CCDC91: variants seen among roughly 807,000 people sequenced by gnomAD.
CCDC91 encodes coiled-coil domain-containing protein 91.
A neutral mutation model predicts 63.2 loss-of-function variants in CCDC91; 48 were observed. The ratio of observed to expected loss-of-function variants is 0.76; its 90% CI spans 0.60 to 0.97. The LOEUF is 0.97. Among genes scored for constraint, CCDC91 ranks in the 50% least tolerant of loss-of-function variants. The probability of loss-of-function intolerance (pLI) is 0.00; values close to 1 mark genes in which losing one functional copy is unlikely to be tolerated. For synonymous variants in CCDC91, 167 were observed against 165.8 expected (o/e 1.01, Z -0.06); for missense variants, 500 against 494.6 (o/e 1.01, Z -0.10).
intron 3 of CCDC91, among the ~76,000 whole-genome samples, chr12:28,275,422 A>G (rs1948139145): frequency 6.6e-6 from 1 of 152,172 alleles, no homozygotes; most frequent in Admixed American, 6.6e-5. Context: ...CTAAACCAGG[A>G]AGAAGTTGAA....
chr12:28,478,939 C>G (rs1392765029), intron 11 of CCDC91, among the ~76,000 whole-genome samples: 2 of 152,064 alleles, frequency 1.3e-5, no homozygotes, highest in African/African-American at 2.4e-5. Flanking sequence ...TTTAGAATGA[C>G]ATTCATTAAA....
rs569222890 is a variant in CCDC91 at position 28,323,774 on chromosome 12, T to G, written c.576+16025T>G. On this transcript the variant is annotated intron_variant, in intron 6 of 12. Transcript: ENST00000536442. Reference sequence around the variant, plus strand: ...AATAGGTCTTTGCCAAATAGTCAGGTGGGGAAGGTAGCTTCTTATAGACGG... The same window carrying G: ...AATAGGTCTTTGCCAAATAGTCAGGGGGGGAAGGTAGCTTCTTATAGACGG... Among the ~76,000 whole-genome samples the G allele has an allele frequency of 1.4e-4, 21 of 151,966 alleles. No individual in the cohort carries two copies. In the East Asian group the frequency reaches 3.5e-3, roughly 25 times the overall value.
At chr12:28,428,448 T>C (rs1479961211) in intron 8 of CCDC91, among the ~76,000 whole-genome samples, 1 of 151,536 alleles carries the variant, frequency 6.6e-6, no homozygotes, top group Non-Finnish European at 1.5e-5. Flanking sequence ...TGCATGCTTG[T>C]AATCCAGCTA....
At chr12:28,322,852 G>A (rs1940647864) in intron 6 of CCDC91, among the ~76,000 whole-genome samples, 1 of 150,946 alleles carries the variant, frequency 6.6e-6, no homozygotes, top group South Asian at 2.1e-4. Flanking sequence ...TTGCCTACTG[G>A]GTATTGCCAG....
intron 3 of CCDC91, chr12:28,304,660 A>C (rs781198547): frequency 7.8e-7 from 1 of 1,279,174 alleles, no homozygotes; most frequent in Admixed American, 2.4e-5. Flanking sequence ...GCTGCCTTCC[A>C]GAGTTTATGG....
intron 6 of CCDC91, among the ~76,000 whole-genome samples, chr12:28,309,708 A>G (rs1939120280): frequency 6.6e-6 from 1 of 152,070 alleles, no homozygotes; most frequent in Non-Finnish European, 1.5e-5. Context: ...AATCTTTGGT[A>G]TATCTTCAAT....
intron 8 of CCDC91, among the ~76,000 whole-genome samples, chr12:28,436,638 C>G (rs967933854): frequency 6.6e-6 from 1 of 151,824 alleles, no homozygotes; most frequent in Non-Finnish European, 1.5e-5. Context: ...CTGAAGAACT[C>G]TTTTAACATG....
chr12:28,311,696 G>A (rs987271868), intron 6 of CCDC91, among the ~76,000 whole-genome samples: 1 of 151,956 alleles, frequency 6.6e-6, no homozygotes, highest in African/African-American at 2.4e-5. Context: ...TCAAAGTTAG[G>A]GCCATGCGTG....
intron 3 of CCDC91, among the ~76,000 whole-genome samples, chr12:28,290,658 A>C (rs565869269): frequency 5.9e-5 from 9 of 152,294 alleles, no homozygotes; most frequent in African/African-American, 2.2e-4. Context: ...TAAAGCTTTC[A>C]TCAATGCAAT....
At chr12:28,282,362 T>C (rs757474745) in intron 3 of CCDC91, among the ~76,000 whole-genome samples, 2 of 152,164 alleles carry the variant, frequency 1.3e-5, no homozygotes, top group Non-Finnish European at 2.9e-5. Flanking sequence ...ACATGTAGTA[T>C]TTGTTCTTTT....
chr12:28,215,694 C>T (rs1943518319), intron 1 of CCDC91, among the ~76,000 whole-genome samples: 1 of 151,962 alleles, frequency 6.6e-6, no homozygotes, highest in Admixed American at 6.6e-5. Flanking sequence ...CTAGTACAAG[C>T]AGAATTTATA....
chr12:28,276,495 G>A (rs1948235787), intron 3 of CCDC91, among the ~76,000 whole-genome samples: 1 of 151,906 alleles, frequency 6.6e-6, no homozygotes, highest in South Asian at 2.1e-4. Context: ...GGTGGAAAAT[G>A]TTTCACATTT....
At chr12:28,448,221 G>T (rs1949631330) in intron 8 of CCDC91, among the ~76,000 whole-genome samples, 1 of 152,078 alleles carries the variant, frequency 6.6e-6, no homozygotes, top group African/African-American at 2.4e-5. Context: ...CTGAAAATAA[G>T]AAGAATGTGG....
intron 1 of CCDC91, among the ~76,000 whole-genome samples, chr12:28,200,492 G>A (rs971771171): frequency 2.1e-5 from 3 of 145,082 alleles, no homozygotes; most frequent in East Asian, 2.0e-4. Context: ...GACTCTTAAC[G>A]AGCATGCTGC....
At chr12:28,532,222 T>C (rs561997008) in intron 12 of CCDC91, among the ~76,000 whole-genome samples, 14 of 151,960 alleles carry the variant, frequency 9.2e-5, no homozygotes, top group Admixed American at 2.6e-4. Flanking sequence ...GTAAAAAAGG[T>C]GATGGCCCAC....
At chr12:28,479,980 C>G (rs1215347973) in intron 11 of CCDC91, among the ~76,000 whole-genome samples, 1 of 151,958 alleles carries the variant, frequency 6.6e-6, no homozygotes, top group Non-Finnish European at 1.5e-5. Context: ...AATCTCCATG[C>G]TATTATTGGT....
At chr12:28,405,107 A>G (rs1220656451) in intron 8 of CCDC91, among the ~76,000 whole-genome samples, 2 of 150,960 alleles carry the variant, frequency 1.3e-5, no homozygotes, top group East Asian at 1.9e-4. Context: ...TACTTTTTCT[A>G]CCTTTTCTGG....
At chr12:28,344,929 A>G (rs1942701192) in intron 6 of CCDC91, among the ~76,000 whole-genome samples, 1 of 152,120 alleles carries the variant, frequency 6.6e-6, no homozygotes. Context: ...TTTCCTCTCA[A>G]TATGTCAGCC....
intron 6 of CCDC91, among the ~76,000 whole-genome samples, chr12:28,352,500 C>T (rs1943248331): frequency 6.6e-6 from 1 of 152,172 alleles, no homozygotes; most frequent in Non-Finnish European, 1.5e-5. Flanking sequence ...CAACAGTGTT[C>T]ACAGCATCTT....
Sources: allele counts gnomAD v4.1 joint callset (sites outside exome capture counted in the v4.1 genomes callset), GRCh38; gene constraint gnomAD v4.1.1; transcripts MANE v1.5; gene names NCBI Gene and HGNC (gene_info 2026-07-23, HGNC 2026-07-21).